The following GRID2 variants were observed in gnomAD, a reference collection of about 807,000 sequenced individuals.
GRID2 encodes glutamate receptor ionotropic, delta-2.
In GRID2, 33 loss-of-function variants were observed where a neutral mutation model predicts 114.8. The ratio of observed to expected loss-of-function variants is 0.29; its 90% confidence interval spans 0.22 to 0.38. GRID2 has a LOEUF of 0.38. GRID2 is among the 10% of genes least tolerant of loss of function. The pLI, the probability that GRID2 is intolerant of heterozygous loss-of-function variation, is 1.00. For missense variants in GRID2, 1,184 were observed against 1,257.7 expected (o/e 0.94, Z 0.89); for synonymous variants, 505 against 449.9 (o/e 1.12, Z -1.55).
intron 13 of GRID2, among the ~76,000 whole-genome samples, chr4:93,579,942 C>G (rs17020800): frequency 0.024 from 3,622 of 152,246 alleles, 61 homozygotes; most frequent in East Asian, 0.067. Flanking sequence ...ATCTGTCATT[C>G]GGATCATCTC....
At chr4:92,339,251 C>T (rs1727348769) in intron 1 of GRID2, among the ~76,000 whole-genome samples, 1 of 152,034 alleles carries the variant, frequency 6.6e-6, no homozygotes, top group African/African-American at 2.4e-5. Context: ...GAAAGCTGAT[C>T]CATTATGCTG....
At chr4:93,571,317 C>T (rs1011198384) in intron 13 of GRID2, among the ~76,000 whole-genome samples, 1 of 151,748 alleles carries the variant, frequency 6.6e-6, no homozygotes, top group African/African-American at 2.4e-5. Flanking sequence ...GTTATTTTTC[C>T]CCAGAAGTAT....
intron 13 of GRID2, among the ~76,000 whole-genome samples, chr4:93,530,417 A>T (rs1041864480): frequency 6.6e-6 from 1 of 152,134 alleles, no homozygotes; most frequent in Non-Finnish European, 1.5e-5. Context: ...CACATGCCAT[A>T]CATTACTATC....
At chr4:93,489,160 A>G (rs916070896) in intron 11 of GRID2, among the ~76,000 whole-genome samples, 6 of 152,004 alleles carry the variant, frequency 3.9e-5, no homozygotes, top group African/African-American at 1.4e-4. Context: ...TTGGCAGTAT[A>G]GGGTTGTGGG....
At chr4:92,851,120 T>G (rs1269124839) in intron 2 of GRID2, among the ~76,000 whole-genome samples, 1 of 151,930 alleles carries the variant, frequency 6.6e-6, no homozygotes, top group East Asian at 1.9e-4. Flanking sequence ...TCCTTAATTA[T>G]TTCAAATCAG....
At chr4:92,584,331 T>A (rs1174699603) in intron 1 of GRID2, among the ~76,000 whole-genome samples, 1 of 152,040 alleles carries the variant, frequency 6.6e-6, no homozygotes, top group African/African-American at 2.4e-5. Context: ...CTTGGATATA[T>A]GCTTACAGTG....
At chr4:93,707,228 G>A (rs78938341) in intron 14 of GRID2, among the ~76,000 whole-genome samples, 8,407 of 152,028 alleles carry the variant, frequency 0.055, 762 homozygotes, top group African/African-American at 0.19. Context: ...GAATAAGTTG[G>A]GATGTATTCT....
At chr4:93,185,056 T>C (rs1176208585) in intron 4 of GRID2, among the ~76,000 whole-genome samples, 1 of 152,180 alleles carries the variant, frequency 6.6e-6, no homozygotes, top group Non-Finnish European at 1.5e-5. Flanking sequence ...TATTAGTTAG[T>C]GTTAAGAAAA....
chr4:93,154,000 T>C (rs184045610), intron 4 of GRID2, among the ~76,000 whole-genome samples: 47 of 152,160 alleles, frequency 3.1e-4, no homozygotes, highest in African/African-American at 1.1e-3. Context: ...TATTTTTGAA[T>C]AAATAGTGAG....
intron 1 of GRID2, among the ~76,000 whole-genome samples, chr4:92,360,898 G>A (rs1728586429): frequency 6.6e-6 from 1 of 151,908 alleles, no homozygotes; most frequent in Non-Finnish European, 1.5e-5. Flanking sequence ...TTATAGATAA[G>A]ATATAGATAT....
At chr4:93,677,164 G>C (rs190838668) in intron 14 of GRID2, among the ~76,000 whole-genome samples, 2 of 152,294 alleles carry the variant, frequency 1.3e-5, no homozygotes, top group African/African-American at 4.8e-5. Context: ...GCCCACGGAG[G>C]CTCGCTGATT....
In GRID2 at chr4:93,695,172, GAA is replaced by G. The variant is rs5860341; in HGVS notation, c.2360+68753_2360+68754del. Among the ~76,000 whole-genome samples, 883 of 135,934 alleles carry G rather than the reference GAA, an allele frequency of 6.5e-3. 19 individuals carry two copies. In the East Asian group the frequency reaches 0.11, roughly 17 times the overall value. 89.2% of individuals were successfully genotyped at this position (135,934 alleles called of 152,430 possible). A position where few individuals can be genotyped will look rare whatever the true frequency, so the allele number is the denominator to read the frequency against. On this transcript the variant is annotated intron_variant, in intron 14 of 15. Coordinates refer to ENST00000282020, the MANE Select transcript of GRID2 (RefSeq NM_001510.4). ...GGCAACAGACTGAGACTCCGTCTCGGAAAAAAAAAAAAAAAAATGGTTACTGA... is the reference window on the plus strand; with the variant it reads ...GGCAACAGACTGAGACTCCGTCTCGGAAAAAAAAAAAAAAATGGTTACTGA...
chr4:93,471,519 A>T (rs944575801), intron 11 of GRID2, among the ~76,000 whole-genome samples: 1 of 151,824 alleles, frequency 6.6e-6, no homozygotes, highest in Non-Finnish European at 1.5e-5. Flanking sequence ...AGTACTTTTG[A>T]TCTTTGATTT....
chr4:92,447,188 A>C (rs1733513419), intron 1 of GRID2, among the ~76,000 whole-genome samples: 1 of 152,190 alleles, frequency 6.6e-6, no homozygotes, highest in Non-Finnish European at 1.5e-5. Context: ...GTTTGTATTT[A>C]TGTGATAATA....
chr4:93,046,545 C>A (rs970930033), intron 2 of GRID2, among the ~76,000 whole-genome samples: 2 of 151,904 alleles, frequency 1.3e-5, no homozygotes, highest in Non-Finnish European at 2.9e-5. Context: ...ATTTCAAATT[C>A]TTTTTAGTAT....
chr4:92,822,178 C>G, intron 2 of GRID2: 1 of 421,752 alleles, frequency 2.4e-6, no homozygotes, highest in Non-Finnish European at 4.6e-6. Flanking sequence ...CCTGTGGTAG[C>G]GCAGAACCAG....
chr4:92,910,248 A>C (rs924394629), intron 2 of GRID2, among the ~76,000 whole-genome samples: 1 of 152,128 alleles, frequency 6.6e-6, no homozygotes, highest in Non-Finnish European at 1.5e-5. Context: ...GGACTTAATC[A>C]GAATCACCTG....
At chr4:93,258,665 C>T (rs1749899374) in intron 8 of GRID2, among the ~76,000 whole-genome samples, 1 of 151,590 alleles carries the variant, frequency 6.6e-6, no homozygotes, top group African/African-American at 2.4e-5. Flanking sequence ...CCAAAATATC[C>T]ATAAGGTGCT....
chr4:92,776,051 T>A (rs1212040698), intron 2 of GRID2, among the ~76,000 whole-genome samples: 2 of 152,176 alleles, frequency 1.3e-5, no homozygotes, highest in African/African-American at 4.8e-5. Flanking sequence ...AATTAACAGA[T>A]ATGTTTTGAT....
Sources: gnomAD v4.1 joint callset for allele counts (sites outside exome capture counted in the v4.1 genomes callset) on GRCh38, gnomAD v4.1.1 for gene constraint, MANE v1.5 for transcripts, NCBI Gene and HGNC (gene_info 2026-07-23, HGNC 2026-07-21) for gene names.